USP4: variants seen among roughly 807,000 people sequenced by gnomAD.
The protein encoded by USP4 is ubiquitin carboxyl-terminal hydrolase 4.
In USP4, 72 loss-of-function variants were observed where a neutral mutation model predicts 118.2. That is an observed-to-expected ratio of 0.61 (90% CI 0.50 to 0.74). USP4 has a LOEUF of 0.74. USP4 is among the 30% of genes least tolerant of loss of function. The pLI, the probability that USP4 is intolerant of heterozygous loss-of-function variation, is 0.00. For missense variants in USP4, 1,037 were observed against 1,185.7 expected (o/e 0.87, Z 1.84); for synonymous variants, 415 against 440.4 (o/e 0.94, Z 0.72).
chr3:49,302,559 T>C lies in USP4; in HGVS notation c.1129-17A>G, dbSNP rs747181139. On this transcript the variant is annotated splice_polypyrimidine_tract_variant and intron_variant, in intron 9 of 21. Coordinates refer to ENST00000265560, the MANE Select transcript of USP4 (RefSeq NM_003363.4). ...TACTTGAGTCTACAACAAAAGCAACTGTATCAGAAGGCATAATACGTAAAG... is the reference window on the plus strand; with the variant it reads ...TACTTGAGTCTACAACAAAAGCAACCGTATCAGAAGGCATAATACGTAAAG... 7 of 1,610,090 alleles carry C rather than the reference T, an allele frequency of 4.3e-6. No individual in the cohort carries two copies. In the Admixed American group the frequency reaches 1.2e-4, roughly 27 times the overall value.
intron 6 of USP4, among the ~76,000 whole-genome samples, chr3:49,321,618 C>A (rs1226515852): frequency 6.6e-6 from 1 of 152,100 alleles, no homozygotes; most frequent in East Asian, 1.9e-4. Flanking sequence ...CAGGCATGTG[C>A]CACTGCACCG....
chr3:49,300,399 G>T, intron 11 of USP4, 68 bp downstream of exon 11: 1 of 1,444,870 alleles, frequency 6.9e-7, no homozygotes, highest in South Asian at 1.2e-5. Context: ...CAGCAGATAG[G>T]AGCAGTCCCA....
At chr3:49,280,717 C>T in intron 20 of USP4, 27 bp downstream of exon 20, 1 of 1,584,948 alleles carries the variant, frequency 6.3e-7, no homozygotes, top group East Asian at 2.2e-5. Context: ...TTCAACATCT[C>T]AGAAGGAAGC....
chr3:49,292,240 T>G (rs1203900624), intron 15 of USP4, among the ~76,000 whole-genome samples: 1 of 150,230 alleles, frequency 6.7e-6, no homozygotes, highest in Non-Finnish European at 1.5e-5. Context: ...GAGCCATGAT[T>G]GCACCACCAC....
chr3:49,318,449 C>T (rs1280209495), intron 6 of USP4: 42 of 985,198 alleles, frequency 4.3e-5, no homozygotes, highest in Non-Finnish European at 4.6e-5. Context: ...AGGCAAGTGA[C>T]GTTAAAGGGA....
chr3:49,309,353 G>C (rs1325468529), intron 8 of USP4, among the ~76,000 whole-genome samples: 1 of 152,124 alleles, frequency 6.6e-6, no homozygotes, highest in Non-Finnish European at 1.5e-5. Flanking sequence ...ACTCCTTGCA[G>C]CCCATGACTA....
intron 3 of USP4, among the ~76,000 whole-genome samples, chr3:49,326,460 G>T (rs924187723): frequency 6.6e-6 from 1 of 151,958 alleles, no homozygotes; most frequent in Non-Finnish European, 1.5e-5. Context: ...GCAGTGGTGC[G>T]ATCTCAGCTC....
At chr3:49,294,722 G>T in intron 13 of USP4, 124 bp from the exon 14 acceptor site, 2 of 937,196 alleles carry the variant, frequency 2.1e-6, no homozygotes, top group Non-Finnish European at 3.2e-6. Context: ...GAGTAGAAAA[G>T]GTGGCTATAA....
rs1262233228 is a variant in USP4, at chr3:49,300,629, A to G, written c.1350T>C (p.Thr450=). The part of the protein sequence containing the change: ...RLRNDSVIVD[T]FHGLFKSTLV... ...AAGTAGATTTGAAGAGGCCATGGAA[A>G]GTATCCACAATCACAGAATCATTCC... The change falls in exon 11 of 22, where the codon ACT becomes ACC. Residue 450 remains threonine (T), a synonymous_variant. Coordinates refer to ENST00000265560, the MANE Select transcript of USP4 (RefSeq NM_003363.4). 10 of 1,614,108 alleles carry G rather than the reference A, an allele frequency of 6.2e-6. No individual in the cohort carries two copies. The highest frequency in any genetic ancestry group is 7.6e-6 in the Non-Finnish European group (9 of 1,180,052).
At chr3:49,322,505 G>A (rs1386695625) in intron 6 of USP4, among the ~76,000 whole-genome samples, 2 of 152,086 alleles carry the variant, frequency 1.3e-5, no homozygotes, top group Admixed American at 6.6e-5. Context: ...CTACATTTTT[G>A]CCTCTTTTTT....
intron 6 of USP4, among the ~76,000 whole-genome samples, chr3:49,313,053 G>GCGC (rs1559474370): frequency 6.6e-6 from 1 of 151,286 alleles, no homozygotes; most frequent in Non-Finnish European, 1.5e-5. Context: ...ACCACACCCA[G>GCGC]CTAATTTTTT....
rs2107779474 is a variant in USP4 at position 49,300,538 on chromosome 3, G to A, written c.1441C>T (p.Leu481=). The change falls in exon 11 of 22, where the codon CTG becomes TTG. Residue 481 remains leucine (L), a synonymous_variant. Coordinates refer to ENST00000265560, the MANE Select transcript of USP4 (RefSeq NM_003363.4). Reference sequence around the variant, plus strand: ...ATAACTCGATCTTTCTTCAAGGGCAGTGGCAGCGTTAGATAGCAAAATGGG... The same window carrying A: ...ATAACTCGATCTTTCTTCAAGGGCAATGGCAGCGTTAGATAGCAAAATGGG... ...FDPFCYLTLP[L]PLKKDRVMEV... 6.2e-7 allele frequency: 1 copy of A among 1,614,170 alleles called. No individual in the cohort carries two copies. Among genetic ancestry groups the A allele is most frequent in the Non-Finnish European group, 8.5e-7 (1 of 1,179,984 alleles).
intron 6 of USP4, among the ~76,000 whole-genome samples, chr3:49,315,972 G>C (rs2047430488): frequency 6.6e-6 from 1 of 152,302 alleles, no homozygotes; most frequent in South Asian, 2.1e-4. Flanking sequence ...GGGAGGCTGA[G>C]GTGGGCGGAT....
rs1374181602 is a variant in USP4, at chr3:49,339,882, GCC to G, written c.101+40_101+41del. 7.7e-6 allele frequency: 12 copies of G among 1,560,214 alleles called. No individual in the cohort carries two copies. The African/African-American group carries it at 1.6e-4, about 21-fold the overall frequency. Reference sequence around the variant, plus strand: ...AGAAAAAGGAGGCCCCTTTTTCTCGGCCCCTGGTTCTGCATAGAGGAAGAGCG... The same window carrying G: ...AGAAAAAGGAGGCCCCTTTTTCTCGGCCTGGTTCTGCATAGAGGAAGAGCG... On this transcript the variant is annotated intron_variant, in intron 1 of 21. Coordinates refer to ENST00000265560, the MANE Select transcript of USP4 (RefSeq NM_003363.4).
At chr3:49,286,023 G>C in intron 16 of USP4, 75 bp downstream of exon 16, 1 of 1,394,082 alleles carries the variant, frequency 7.2e-7, no homozygotes, top group South Asian at 1.2e-5. Context: ...AATGCAGTGA[G>C]TGTCAAGTGT....
At position 49,297,892 on chromosome 3, in the gene USP4, T is replaced by C. The variant is rs2047225675; in HGVS notation, c.1669A>G (p.Met557Val). ...FQMDEGLNHI[M>V]PRDDIFVYEV... is the part of the protein sequence containing the mutation. ...CACACGAAAATGTCATCCCGAGGCA[T>C]GATGTGGTTTAAACCTTCATCCATT... The change falls in exon 13 of 22, where the codon ATG becomes GTG. Residue 557 changes from methionine to valine, a missense_variant. Physicochemically the swap from Met to Val is conservative, Grantham distance 21. Transcript: ENST00000265560. The C allele has an allele frequency of 1.2e-6, 2 of 1,614,056 alleles. No individual in the cohort carries two copies. Among genetic ancestry groups the C allele is most frequent in the African/African-American group, 1.3e-5 (1 of 74,946 alleles).
chr3:49,306,203 T>G (rs1007762770), intron 8 of USP4, among the ~76,000 whole-genome samples: 4 of 149,428 alleles, frequency 2.7e-5, no homozygotes, highest in African/African-American at 1.0e-4. Context: ...AAAAAGTGTT[T>G]TTTTTTGTTT....
Position 49,286,171 on chromosome 3 carries a change from G to A in USP4, c.2127C>T (p.Phe709=). ...GQPCPKRLFT[F]SLVNSYGTAD... ...CTGTTCCATAGGAGTTCACAAGACT[G>A]AAGGTAAAAAGCCTTTTTGGGCAGG... Residue 709 remains phenylalanine (F), a synonymous_variant, in exon 16 of 22, where the codon TTC becomes TTT. Transcript: ENST00000265560. The A allele has an allele frequency of 6.2e-7, 1 of 1,614,182 alleles. No homozygotes were observed. Among genetic ancestry groups the A allele is most frequent in the South Asian group, 1.1e-5 (1 of 91,086 alleles).
intron 1 of USP4, among the ~76,000 whole-genome samples, chr3:49,336,043 T>C (rs1162861017): frequency 6.6e-6 from 1 of 151,990 alleles, no homozygotes. Context: ...TTTGTATTTT[T>C]AGTAGAGACG....
Sources: allele counts gnomAD v4.1 joint callset (sites outside exome capture counted in the v4.1 genomes callset), GRCh38; gene constraint gnomAD v4.1.1; transcripts MANE v1.5; gene names NCBI Gene and HGNC (gene_info 2026-07-23, HGNC 2026-07-21).